Variants in NAALADL2 observed in about 807,000 individuals in gnomAD.
NAALADL2 encodes N-acetylated alpha-linked acidic dipeptidase like 2, also known as inactive N-acetylated-alpha-linked acidic dipeptidase-like protein 2.
A neutral mutation model predicts 87.2 loss-of-function variants in NAALADL2; 76 were observed. That is an observed-to-expected ratio of 0.87 (90% CI 0.72 to 1.05). The LOEUF is 1.05. Among genes scored for constraint, NAALADL2 ranks in the 50% least tolerant of loss-of-function variants. The pLI, the probability that NAALADL2 is intolerant of heterozygous loss-of-function variation, is 0.00. For missense variants in NAALADL2, 1,089 were observed against 945.8 expected (o/e 1.15, Z -1.99); for synonymous variants, 354 against 331.0 (o/e 1.07, Z -0.75).
chr3:175,746,364 T>A (rs1470697548), intron 12 of NAALADL2, among the ~76,000 whole-genome samples: 1 of 144,410 alleles, frequency 6.9e-6, no homozygotes, highest in Non-Finnish European at 1.5e-5. Context: ...CTATGTAATA[T>A]GTTTTTTTTT....
chr3:175,491,808 C>G lies in NAALADL2; in HGVS notation c.1653+20050C>G, dbSNP rs140157659. On this transcript the variant is annotated intron_variant, in intron 9 of 13. Coordinates refer to ENST00000454872, the MANE Select transcript of NAALADL2 (RefSeq NM_207015.3). ...ATCTATCTCCATCTGTGGGCATACA[C>G]CAACATTTATAGCAATGATACAAAT... Among the ~76,000 whole-genome samples the G allele has an allele frequency of 2.5e-3, 384 of 152,232 alleles. 5 individuals are homozygous for G. Among genetic ancestry groups the G allele is most frequent in the East Asian group, 0.012 (60 of 5,180 alleles).
At chr3:174,740,306 T>C (rs1299548424) in intron 3 of NAALADL2, among the ~76,000 whole-genome samples, 1 of 151,948 alleles carries the variant, frequency 6.6e-6, no homozygotes. Context: ...AATTTTACCT[T>C]TCTTGTCTGT....
Position 174,576,980 on chromosome 3 carries a change from C to T in NAALADL2, c.-115+26343C>T, listed in dbSNP as rs138268065. 8.8e-3 allele frequency among the ~76,000 whole-genome samples: 1,331 copies of T among 151,556 alleles called. 23 individuals are homozygous for T. Among genetic ancestry groups the T allele is most frequent in the African/African-American group, 0.03 (1,240 of 41,336 alleles). Reference sequence around the variant, plus strand: ...TGGAGAGACTGATTTTTTTTCTAAACGAGAGATATTTTCAATGCCTGTTAT... The same window carrying T: ...TGGAGAGACTGATTTTTTTTCTAAATGAGAGATATTTTCAATGCCTGTTAT... On this transcript the variant is annotated intron_variant, in intron 2 of 3. Coordinates refer to the NAALADL2 transcript ENST00000434257.
At chr3:174,989,563 A>C (rs573988001) in intron 1 of NAALADL2, among the ~76,000 whole-genome samples, 1 of 152,276 alleles carries the variant, frequency 6.6e-6, no homozygotes, top group African/African-American at 2.4e-5. Context: ...GGTAGGGACA[A>C]ATTTTAGTAG....
chr3:175,550,465 T>G (rs1167848899), intron 9 of NAALADL2, among the ~76,000 whole-genome samples: 1 of 152,120 alleles, frequency 6.6e-6, no homozygotes, highest in Non-Finnish European at 1.5e-5. Flanking sequence ...AGGCAAATAT[T>G]AAAATTTATT....
rs1276771269 is a variant in NAALADL2 at position 175,782,082 on chromosome 3, C to T, written c.2190-20923C>T. 5.6e-4 allele frequency among the ~76,000 whole-genome samples: 84 copies of T among 151,094 alleles called. 1 individual carries two copies. In the East Asian group the frequency reaches 0.013, roughly 23 times the overall value. ...AGTATTCCATGGTGTATATGTGCCA[C>T]ATTTTCTTAATCCAGTCTCTCATTG... On this transcript the variant is annotated intron_variant, in intron 13 of 13. Coordinates refer to ENST00000454872, the MANE Select transcript of NAALADL2 (RefSeq NM_207015.3).
chr3:175,215,007 T>G (rs1742300893), intron 2 of NAALADL2, among the ~76,000 whole-genome samples: 1 of 152,158 alleles, frequency 6.6e-6, no homozygotes, highest in Non-Finnish European at 1.5e-5. Flanking sequence ...TACGGACTAA[T>G]TTTTATGAGC....
intron 1 of NAALADL2, among the ~76,000 whole-genome samples, chr3:174,961,085 ATAATAT>A (rs1458879274): frequency 2.7e-5 from 4 of 148,062 alleles, no homozygotes; most frequent in South Asian, 4.2e-4. Flanking sequence ...ATATCATTAA[ATAATAT>A]TAATATAATA....
chr3:175,159,186 C>A (rs1732758498), intron 2 of NAALADL2, among the ~76,000 whole-genome samples: 1 of 152,038 alleles, frequency 6.6e-6, no homozygotes, highest in South Asian at 2.1e-4. Flanking sequence ...TTCAGACAGG[C>A]AATTAGCTAC....
intron 11 of NAALADL2, among the ~76,000 whole-genome samples, chr3:175,662,891 C>T (rs975157531): frequency 5.9e-5 from 9 of 151,790 alleles, no homozygotes; most frequent in Admixed American, 5.3e-4. Context: ...ATTCAATTTG[C>T]TAGTATTTTT....
At chr3:175,464,817 A>G in intron 7 of NAALADL2, among the ~76,000 whole-genome samples, 1 of 152,216 alleles carries the variant, frequency 6.6e-6, no homozygotes, top group Non-Finnish European at 1.5e-5. Context: ...TAAATACAAG[A>G]TATAAATAAA....
At position 175,206,296 on chromosome 3, in the gene NAALADL2, G is replaced by GTATGTGTATATATA. The variant is rs1740876577; in HGVS notation, c.546-27632_546-27631insGTGTATATATATAT. ...TTTCACTGTGTGTGTGTATGTATGT[G>GTATGTGTATATATA]TATATATATATATATACACATACAT... is the stretch of plus-strand genomic sequence containing the variant. On this transcript the variant is annotated intron_variant, in intron 2 of 13. Coordinates refer to ENST00000454872, the MANE Select transcript of NAALADL2 (RefSeq NM_207015.3). Among the ~76,000 whole-genome samples, 2 of 101,680 alleles carry GTATGTGTATATATA rather than the reference G, an allele frequency of 2.0e-5. 1 individual carries two copies. Among genetic ancestry groups the GTATGTGTATATATA allele is most frequent in the African/African-American group, 1.0e-4 (2 of 19,706 alleles). The allele number at this position is 101,680 out of a possible 152,430, so 66.7% of individuals were successfully genotyped here.
chr3:175,645,594 C>G (rs1158201482), intron 11 of NAALADL2, among the ~76,000 whole-genome samples: 3 of 151,834 alleles, frequency 2.0e-5, no homozygotes, highest in Non-Finnish European at 2.9e-5. Flanking sequence ...GAAAAAGAGT[C>G]AAGCAGAGAA....
chr3:175,552,309 G>A (rs1027190733), intron 9 of NAALADL2, among the ~76,000 whole-genome samples: 2 of 152,080 alleles, frequency 1.3e-5, no homozygotes, highest in Non-Finnish European at 2.9e-5. Context: ...AATAAATGAT[G>A]TCTTCATATT....
At chr3:174,833,377 C>T (rs59064721) in intron 3 of NAALADL2, among the ~76,000 whole-genome samples, 24,251 of 152,044 alleles carry the variant, frequency 0.16, 2,328 homozygotes, top group African/African-American at 0.26. Flanking sequence ...AAAAACTTAA[C>T]AGCCCTATTA....
intron 2 of NAALADL2, among the ~76,000 whole-genome samples, chr3:174,671,015 G>A (rs767735506): frequency 8.5e-5 from 13 of 152,128 alleles, no homozygotes; most frequent in Middle Eastern, 3.4e-3. Context: ...TGCTTTAGCC[G>A]TGTAAAATGT....
chr3:174,711,081 T>C (rs918238419), intron 2 of NAALADL2, among the ~76,000 whole-genome samples: 2 of 152,214 alleles, frequency 1.3e-5, no homozygotes. Flanking sequence ...AATTCTCATG[T>C]CTATGTCCCC....
chr3:174,573,298 T>C (rs1208258197), intron 2 of NAALADL2, among the ~76,000 whole-genome samples: 1 of 152,144 alleles, frequency 6.6e-6, no homozygotes, highest in African/African-American at 2.4e-5. Flanking sequence ...GATATGGTCT[T>C]ACTCTGTTGC....
Position 175,584,093 on chromosome 3 carries a change from A to G in NAALADL2, c.1800+7906A>G, listed in dbSNP as rs367997280. On this transcript the variant is annotated intron_variant, in intron 10 of 13. Coordinates refer to ENST00000454872, the MANE Select transcript of NAALADL2 (RefSeq NM_207015.3). ...GGGTCTGTCACCCAGGCTAGAGTGC[A>G]TTGGTGCGATCTCAGCTCACTGCAA... Among the ~76,000 whole-genome samples, 275 of 149,188 alleles carry G rather than the reference A, an allele frequency of 1.8e-3. 4 individuals are homozygous for G. Among genetic ancestry groups the G allele is most frequent in the African/African-American group, 6.4e-3 (255 of 40,104 alleles).
Sources: gnomAD v4.1 joint callset for allele counts (sites outside exome capture counted in the v4.1 genomes callset) on GRCh38, gnomAD v4.1.1 for gene constraint, MANE v1.5 for transcripts, NCBI Gene and HGNC (gene_info 2026-07-23, HGNC 2026-07-21) for gene names.